Variants in URI1 observed in about 807,000 individuals in gnomAD.
URI1 encodes URI1 prefoldin like chaperone.
In URI1, 39 loss-of-function variants were observed where a neutral mutation model predicts 60.2. The ratio of observed to expected loss-of-function variants is 0.65; its 90% CI spans 0.50 to 0.85. URI1 has a LOEUF of 0.85. URI1 is among the 40% of genes least tolerant of loss of function. The probability of loss-of-function intolerance (pLI) is 0.00; values close to 1 mark genes in which losing one functional copy is unlikely to be tolerated. For synonymous variants in URI1, 251 were observed against 236.8 expected (o/e 1.06, Z -0.55); for missense variants, 691 against 665.9 (o/e 1.04, Z -0.42).
In URI1 at chr19:30,015,729, C is replaced by T. The variant is rs867282569; in HGVS notation, c.*660C>T. On this transcript the variant is annotated 3_prime_UTR_variant, in exon 11 of 11. Coordinates refer to ENST00000392271, the MANE Select transcript of URI1 (RefSeq NM_003796.3). Reference sequence around the variant, plus strand: ...CAAAAATGTTGTGAACTTTATGATTCAAAATTGAGTACAGATATGTCCTTG... The same window carrying T: ...CAAAAATGTTGTGAACTTTATGATTTAAAATTGAGTACAGATATGTCCTTG... 5.5e-6 allele frequency: 4 copies of T among 732,842 alleles called. No individual in the cohort carries two copies. Among genetic ancestry groups the T allele is most frequent in the Non-Finnish European group, 6.6e-6 (3 of 456,456 alleles). 45.4% of individuals were successfully genotyped at this position (732,842 alleles called of 1,614,324 possible).
At chr19:29,973,579 A>G (rs1422434490) in intron 2 of URI1, among the ~76,000 whole-genome samples, 1 of 152,172 alleles carries the variant, frequency 6.6e-6, no homozygotes, top group African/African-American at 2.4e-5. Context: ...GAACAAGTAT[A>G]TGTATTCTAG....
chr19:29,971,324 T>G lies in URI1; in HGVS notation c.152+97T>G, dbSNP rs2055457157. On this transcript the variant is annotated intron_variant, in intron 2 of 10. Coordinates refer to ENST00000392271, the MANE Select transcript of URI1 (RefSeq NM_003796.3). ...TTTACTGTTTGCGTGTGTGTGTATG[T>G]ATGACTAGTAATTGAATTCTTCTAG... The G allele has an allele frequency of 3.3e-6, 4 of 1,200,988 alleles. No individual in the cohort carries two copies. The Admixed American group carries it at 5.6e-5, about 17-fold the overall frequency. 74.4% of individuals were successfully genotyped at this position (1,200,988 alleles called of 1,614,324 possible).
intron 4 of URI1, among the ~76,000 whole-genome samples, chr19:30,003,867 C>G (rs564489058): frequency 6.6e-6 from 1 of 152,174 alleles, no homozygotes; most frequent in African/African-American, 2.4e-5. Flanking sequence ...AAATAATGTT[C>G]TTTAGATCTA....
At chr19:30,001,125 C>G (rs2055872939) in intron 4 of URI1, among the ~76,000 whole-genome samples, 1 of 151,258 alleles carries the variant, frequency 6.6e-6, no homozygotes, top group Non-Finnish European at 1.5e-5. Context: ...TTTCTTCTCC[C>G]TCTTTTCTCT....
chr19:29,925,330 C>T (rs1207200653), intron 1 of URI1, among the ~76,000 whole-genome samples: 3 of 152,166 alleles, frequency 2.0e-5, no homozygotes, highest in Non-Finnish European at 4.4e-5. Context: ...TGTCCTGGGT[C>T]CGGTACTTGG....
At chr19:29,926,743 C>T (rs2054871735) in intron 1 of URI1, among the ~76,000 whole-genome samples, 1 of 152,180 alleles carries the variant, frequency 6.6e-6, no homozygotes, top group Non-Finnish European at 1.5e-5. Context: ...AAGGAAAGGC[C>T]AGGGTGTTGA....
chr19:29,928,604 T>C (rs1294702354), intron 1 of URI1, among the ~76,000 whole-genome samples: 2 of 152,004 alleles, frequency 1.3e-5, no homozygotes, highest in Non-Finnish European at 2.9e-5. Flanking sequence ...CATAGGAGAA[T>C]GGATGTGGAG....
intron 1 of URI1, among the ~76,000 whole-genome samples, chr19:29,949,004 G>C (rs2055139020): frequency 6.8e-6 from 1 of 146,650 alleles, no homozygotes; most frequent in African/African-American, 2.5e-5. Flanking sequence ...GGCCAGGCGG[G>C]GGCTGCCCCC....
At chr19:29,995,452 A>G (rs536076723) in intron 4 of URI1, among the ~76,000 whole-genome samples, 24 of 151,594 alleles carry the variant, frequency 1.6e-4, no homozygotes, top group Admixed American at 3.3e-4. Context: ...AGTTCTTTAT[A>G]TATTCTGGAT....
intron 2 of URI1, among the ~76,000 whole-genome samples, chr19:29,971,509 CTG>C (rs1184186334): frequency 2.0e-5 from 3 of 151,636 alleles, no homozygotes; most frequent in African/African-American, 4.8e-5. Flanking sequence ...GAATTGGAGA[CTG>C]AGACATTTTT....
At chr19:29,992,300 C>A (rs532363818) in intron 4 of URI1, among the ~76,000 whole-genome samples, 1 of 152,260 alleles carries the variant, frequency 6.6e-6, no homozygotes, top group East Asian at 1.9e-4. Context: ...GAACCCTTGA[C>A]CTCAAGTGAT....
At chr19:29,936,973 A>G (rs1174786099) in intron 1 of URI1, among the ~76,000 whole-genome samples, 1 of 152,056 alleles carries the variant, frequency 6.6e-6, no homozygotes, top group African/African-American at 2.4e-5. Context: ...GCTGATCTCA[A>G]ACTCCTGAAT....
At chr19:29,956,311 G>A in intron 1 of URI1, 2 of 491,792 alleles carry the variant, frequency 4.1e-6, no homozygotes, top group South Asian at 2.4e-5. Flanking sequence ...TTTTTAAGAA[G>A]GTCCAAATCA....
Position 30,007,450 on chromosome 19 carries a change from CT to C in URI1, c.518-16del. 1 of 1,609,490 alleles carries C rather than the reference CT, an allele frequency of 6.2e-7. No homozygotes were observed. The highest frequency in any genetic ancestry group is 1.3e-5 in the African/African-American group (1 of 74,676). On this transcript the variant is annotated intron_variant, in intron 6 of 10. Coordinates refer to ENST00000392271, the MANE Select transcript of URI1 (RefSeq NM_003796.3). ...TTATGTTGGCTATTAACAGCCACGT[CT>C]TTTCCTTTTTCTAAATAGCAAAACA...
chr19:30,011,386 G>A, intron 9 of URI1, 150 bp downstream of exon 9: 1 of 1,041,678 alleles, frequency 9.6e-7, no homozygotes, highest in South Asian at 3.0e-5. Context: ...CTGATAGGCT[G>A]ACCGGCTGTA....
intron 10 of URI1, among the ~76,000 whole-genome samples, chr19:30,013,379 G>A (rs2056047232): frequency 6.6e-6 from 1 of 152,106 alleles, no homozygotes; most frequent in South Asian, 2.1e-4. Context: ...GAGATTGGTA[G>A]CATTTAGGGA....
intron 4 of URI1, among the ~76,000 whole-genome samples, chr19:29,997,259 T>A (rs2055823714): frequency 6.6e-6 from 1 of 152,326 alleles, no homozygotes; most frequent in South Asian, 2.1e-4. Context: ...ACAAGTCTAT[T>A]CAGATTTCAG....
intron 4 of URI1, among the ~76,000 whole-genome samples, chr19:29,993,578 G>A (rs951166558): frequency 3.3e-5 from 5 of 151,994 alleles, no homozygotes; most frequent in African/African-American, 9.7e-5. Context: ...GTGATAAGAC[G>A]TTAGCACCGA....
rs1266676673 is a variant in URI1 at position 30,009,062 on chromosome 19, G to A, written c.744G>A (p.Lys248=). 6.2e-7 allele frequency: 1 copy of A among 1,613,812 alleles called. No homozygotes were observed. Among genetic ancestry groups the A allele is most frequent in the African/African-American group, 1.3e-5 (1 of 75,024 alleles). ...ATACGACATCTTCTGAAGAGGAAAA[G>A]GAAGATCGTAACACAAATGTGAATG... ...GEDTTSSEEE[K]EDRNTNVNAM... The change falls in exon 8 of 11, where the codon AAG becomes AAA. Residue 248 remains lysine, a synonymous_variant. Coordinates refer to ENST00000392271, the MANE Select transcript of URI1 (RefSeq NM_003796.3).
Sources: allele counts gnomAD v4.1 joint callset (sites outside exome capture counted in the v4.1 genomes callset), GRCh38; gene constraint gnomAD v4.1.1; transcripts MANE v1.5; gene names NCBI Gene and HGNC (gene_info 2026-07-23, HGNC 2026-07-21).